The following CCDC106 variants were observed in gnomAD, a reference collection of about 807,000 sequenced individuals.
CCDC106 encodes coiled-coil domain-containing protein 106.
In CCDC106, 17 loss-of-function variants were observed where a neutral mutation model predicts 24.7. That is an observed-to-expected ratio of 0.69 (90% confidence interval 0.47 to 1.03). CCDC106 has a LOEUF of 1.03. CCDC106 is among the 50% of genes least tolerant of loss of function. The probability of loss-of-function intolerance (pLI) is 0.00; values close to 1 mark genes in which losing one functional copy is unlikely to be tolerated. For missense variants in CCDC106, 337 were observed against 388.9 expected, an observed-to-expected ratio of 0.87 and a Z score of 1.12; for synonymous variants, 211 against 161.3, an observed-to-expected ratio of 1.31 and a Z score of -2.34.
Position 55,648,430 on chromosome 19 carries a change from C to CG in CCDC106, c.-609dup, listed in dbSNP as rs35752061. 0.97 allele frequency: 146,464 copies of CG among 151,678 alleles called. 70,733 individuals are homozygous for CG. The highest frequency in any genetic ancestry group is 0.98 in the Middle Eastern group (289 of 294). The allele number at this position is 151,678 out of a possible 1,614,324, so 9.4% of individuals were successfully genotyped here. A position where few individuals can be genotyped will look rare whatever the true frequency, so the allele number is the denominator to read the frequency against. The stretch of plus-strand genomic sequence containing the variant: ...CCACCCGCGGGACAAAGGGCGGGGG[C>CG]GGGGGGGGCGCACCCCCACGCGTGA... On this transcript the variant is annotated 5_prime_UTR_variant, in exon 1 of 5. It introduces an in-frame stop codon into an upstream open reading frame of the 5' UTR. Transcript: ENST00000586790.
At chr19:55,650,253 T>G (rs1600056946) in intron 3 of CCDC106, among the ~76,000 whole-genome samples, 1 of 152,310 alleles carries the variant, frequency 6.6e-6, no homozygotes, top group East Asian at 1.9e-4. Context: ...TGCTCTGCTA[T>G]AATTCATGGC....
upstream of CCDC106, among the ~76,000 whole-genome samples, chr19:55,647,771 G>A (rs1982956839): frequency 6.6e-6 from 1 of 151,964 alleles, no homozygotes; most frequent in South Asian, 2.1e-4. Flanking sequence ...AGGAGGTAGG[G>A]GAGCTCTGAG....
At position 55,651,327 on chromosome 19, in the gene CCDC106, G is replaced by A. The variant is rs1325911104; in HGVS notation, c.358G>A (p.Asp120Asn). 3 of 1,613,460 alleles carry A rather than the reference G, an allele frequency of 1.9e-6. No homozygotes were observed. Among genetic ancestry groups the A allele is most frequent in the Non-Finnish European group, 2.5e-6 (3 of 1,179,928 alleles). ...MKPGPRRMEG[D>N]SRGGAGGEAS... ...GCCTGGGCCCAGGCGGATGGAGGGG[G>A]ACAGCCGTGGTGGGGCTGGGGGCGA... The change falls in exon 4 of 5, where the codon GAC becomes AAC. Residue 120 changes from aspartate to asparagine, a missense_variant. Physicochemically the swap from Asp to Asn is conservative, Grantham distance 23. Coordinates refer to ENST00000586790, the MANE Select transcript of CCDC106 (RefSeq NM_001370470.1).
In CCDC106 at chr19:55,652,647, C is replaced by T; in HGVS notation, c.744C>T (p.Arg248=). The T allele has an allele frequency of 6.2e-7, 1 of 1,613,382 alleles. No individual in the cohort carries two copies. The highest frequency in any genetic ancestry group is 8.5e-7 in the Non-Finnish European group (1 of 1,179,932). Residue 248 remains arginine, a synonymous_variant, in exon 5 of 5, where the codon CGC becomes CGT. Coordinates refer to ENST00000586790, the MANE Select transcript of CCDC106 (RefSeq NM_001370470.1). The surrounding 1 kb of genome is among the most constrained non-coding windows in gnomAD (Gnocchi z 5.9). ...AGGAGCGCCTGCTCGAGTACTCCCG[C>T]CGCTGCTTTCTGGCCCTGGACGACG... is the stretch of plus-strand genomic sequence containing the variant. ...PSKERLLEYS[R]RCFLALDDET... is the part of the protein sequence containing the mutation.
intron 3 of CCDC106, 101 bp from the exon 4 acceptor site, chr19:55,651,182 G>A: frequency 2.2e-6 from 2 of 917,406 alleles, no homozygotes; most frequent in African/African-American, 1.6e-5. Context: ...GACCAGCCCA[G>A]GTTGGGGGAT....
At chr19:55,651,174 C>T in intron 3 of CCDC106, 109 bp from the exon 4 acceptor site, 2 of 847,934 alleles carry the variant, frequency 2.4e-6, no homozygotes, top group Non-Finnish European at 2.0e-6. Context: ...CTTTAGGGGA[C>T]CAGCCCAGGT....
In CCDC106 at chr19:55,652,895, C is replaced by G; in HGVS notation, c.*149C>G. The G allele has an allele frequency of 2.9e-6, 2 of 684,182 alleles. No homozygotes were observed. Among genetic ancestry groups the G allele is most frequent in the Admixed American group, 3.0e-5 (1 of 33,660 alleles). 42.4% of individuals were successfully genotyped at this position (684,182 alleles called of 1,614,324 possible). On this transcript the variant is annotated 3_prime_UTR_variant, in exon 5 of 5. Coordinates refer to ENST00000586790, the MANE Select transcript of CCDC106 (RefSeq NM_001370470.1). The surrounding 1 kb of genome is among the most constrained non-coding windows in gnomAD (Gnocchi z 5.9). Reference sequence around the variant, plus strand: ...AGCCGGGCCCCCAAGCGCGACGGCCCCGGACCGGCCGCGGCCCCTTCCCGA... The same window carrying G: ...AGCCGGGCCCCCAAGCGCGACGGCCGCGGACCGGCCGCGGCCCCTTCCCGA...
At chr19:55,647,862 T>G (rs974749039), upstream of CCDC106, among the ~76,000 whole-genome samples, 1 of 151,146 alleles carries the variant, frequency 6.6e-6, no homozygotes, top group African/African-American at 2.4e-5. Context: ...TCTCAAACAC[T>G]CTCCTGCCTT....
chr19:55,651,321 G>T lies in CCDC106; in HGVS notation c.352G>T (p.Glu118Ter). ...GATGAAGCCTGGGCCCAGGCGGATGGAGGGGGACAGCCGTGGTGGGGCTGG... is the reference window on the plus strand; with the variant it reads ...GATGAAGCCTGGGCCCAGGCGGATGTAGGGGGACAGCCGTGGTGGGGCTGG... ...CRMKPGPRRM[E>*]GDSRGGAGGE... The change falls in exon 4 of 5, where the codon GAG becomes TAG. Residue 118 changes from glutamate (E) to a stop codon, truncating the protein, a stop_gained. Coordinates refer to ENST00000586790, the MANE Select transcript of CCDC106 (RefSeq NM_001370470.1). LOFTEE classifies it high-confidence loss of function. The T allele has an allele frequency of 6.2e-7, 1 of 1,613,604 alleles. No individual in the cohort carries two copies. Among genetic ancestry groups the T allele is most frequent in the Non-Finnish European group, 8.5e-7 (1 of 1,179,918 alleles).
rs771983589 is a variant in CCDC106, at chr19:55,651,383, C to T, written c.414C>T (p.Ser138=). The change falls in exon 4 of 5, where the codon TCC becomes TCT. Residue 138 remains serine (S), a synonymous_variant. Transcript: ENST00000586790. ...CGGACCCTGAGTCAGCAGCCTCCTC[C>T]CTCAGCGGAGCGTCCGAAGAAGGCA... The part of the protein sequence containing the change: ...EASDPESAAS[S]LSGASEEGSA... 1.2e-5 allele frequency: 20 copies of T among 1,612,044 alleles called. No individual in the cohort carries two copies. The East Asian group carries it at 2.7e-4, about 22-fold the overall frequency.
chr19:55,648,116 GCCCGTTCCGTCGCTCAGTT>G (rs1192123351), upstream of CCDC106: 1 of 152,290 alleles, frequency 6.6e-6, no homozygotes, highest in African/African-American at 2.4e-5. Context: ...CCGCGTCCCT[GCCCGTTCCGTCGCTCAGTT>G]CCACGACACG....
At position 55,648,966 on chromosome 19, in the gene CCDC106, T is replaced by C. The variant is rs2123646187; in HGVS notation, c.-81T>C. The C allele has an allele frequency of 5.0e-6, 7 of 1,393,926 alleles. No individual in the cohort carries two copies. The highest frequency in any genetic ancestry group is 7.1e-6 in the Non-Finnish European group (7 of 982,236). The allele number at this position is 1,393,926 out of a possible 1,614,324, so 86.3% of individuals were successfully genotyped here. On this transcript the variant is annotated 5_prime_UTR_variant, in exon 1 of 5. Coordinates refer to ENST00000586790, the MANE Select transcript of CCDC106 (RefSeq NM_001370470.1). Reference sequence around the variant, plus strand: ...CCCAGGATGGACCCTCCAGTCCATCTGCGTCTCTCCATTTGTGGCTGCCGT... The same window carrying C: ...CCCAGGATGGACCCTCCAGTCCATCCGCGTCTCTCCATTTGTGGCTGCCGT...
intron 3 of CCDC106, among the ~76,000 whole-genome samples, chr19:55,650,053 T>TC (rs145611277): frequency 0.016 from 2,483 of 151,794 alleles, 82 homozygotes; most frequent in African/African-American, 0.057. Flanking sequence ...CCTCCTCCTG[T>TC]CCCCCCCTCC....
In CCDC106 at chr19:55,649,594, G is replaced by C. The variant is rs377438064; in HGVS notation, c.313+10G>C. The C allele has an allele frequency of 2.5e-6, 4 of 1,611,702 alleles. No individual in the cohort carries two copies. Among genetic ancestry groups the C allele is most frequent in the Non-Finnish European group, 3.4e-6 (4 of 1,178,558 alleles). On this transcript the variant is annotated intron_variant, in intron 3 of 4. Transcript: ENST00000586790. Reference sequence around the variant, plus strand: ...GCTCGGATGGAGGCAGGTGTGTGTGGGGTGCTCTGATCCACATGCCTCCCT... The same window carrying C: ...GCTCGGATGGAGGCAGGTGTGTGTGCGGTGCTCTGATCCACATGCCTCCCT...
intron 4 of CCDC106, among the ~76,000 whole-genome samples, chr19:55,651,834 TG>T (rs1372097063): frequency 1.6e-4 from 25 of 152,058 alleles, no homozygotes; most frequent in Admixed American, 1.6e-3. Context: ...GCTAATTTTT[TG>T]TATTTTTAGT....
chr19:55,649,528 G>A lies in CCDC106; in HGVS notation c.257G>A (p.Arg86Lys). The change falls in exon 3 of 5, where the codon AGG (arginine) becomes AAG (lysine). Residue 86 changes from arginine to lysine, a missense_variant. By Grantham distance (26) the Arg-to-Lys change is conservative (BLOSUM62 2). Around this residue, in one of 2 missense-constraint regions of CCDC106, gnomAD observed 234 missense variants for 236.5 expected, o/e 0.99. Transcript: ENST00000586790. Reference sequence around the variant, plus strand: ...CGCATCGAGGACCTGGAGGAAGAGAGGGACTTCCTGCGGTGCCAGCTGGAC... The same window carrying A: ...CGCATCGAGGACCTGGAGGAAGAGAAGGACTTCCTGCGGTGCCAGCTGGAC... ...QKRIEDLEEE[R>K]DFLRCQLDKF... 6.2e-7 allele frequency: 1 copy of A among 1,614,088 alleles called. No homozygotes were observed.
At chr19:55,650,876 T>C (rs1401351758) in intron 3 of CCDC106, among the ~76,000 whole-genome samples, 1 of 152,150 alleles carries the variant, frequency 6.6e-6, no homozygotes, top group African/African-American at 2.4e-5. Flanking sequence ...CCAGGGCCCC[T>C]GATTTCTCTC....
chr19:55,652,471 C>T lies in CCDC106; in HGVS notation c.568C>T (p.Leu190=), dbSNP rs1568543359. 11 of 1,611,516 alleles carry T rather than the reference C, an allele frequency of 6.8e-6. No homozygotes were observed. Among genetic ancestry groups the T allele is most frequent in the Non-Finnish European group, 8.5e-6 (10 of 1,178,406 alleles). Reference sequence around the variant, plus strand: ...GGTCCTCTGCCGGTACAAGAAGATCCTGGGCACCTTCCAGAAGCTCAAGAG... The same window carrying T: ...GGTCCTCTGCCGGTACAAGAAGATCTTGGGCACCTTCCAGAAGCTCAAGAG... ...DGVLCRYKKI[L]GTFQKLKSMS... The change falls in exon 5 of 5, where the codon CTG becomes TTG. Residue 190 remains leucine (L), a synonymous_variant. Coordinates refer to ENST00000586790, the MANE Select transcript of CCDC106 (RefSeq NM_001370470.1). The surrounding 1 kb of genome is among the most constrained non-coding windows in gnomAD (Gnocchi z 5.9).
chr19:55,649,096 C>T lies in CCDC106; in HGVS notation c.31+19C>T, dbSNP rs890711233. ...CGGACAAGTGAGGAAGCTGGGTCCC[C>T]TTCCCTACCCTGGGTCCCAGTGCGG... On this transcript the variant is annotated intron_variant, in intron 1 of 4. Coordinates refer to ENST00000586790, the MANE Select transcript of CCDC106 (RefSeq NM_001370470.1). 3.1e-6 allele frequency: 5 copies of T among 1,613,970 alleles called. No homozygotes were observed. Among genetic ancestry groups the T allele is most frequent in the South Asian group, 1.1e-5 (1 of 91,084 alleles).
Sources: gnomAD v4.1 joint callset for allele counts (sites outside exome capture counted in the v4.1 genomes callset) on GRCh38, gnomAD v4.1.1 for gene constraint, gnomAD v4.1.1 regional missense constraint, Gnocchi (gnomAD v3.1) non-coding constraint, MANE v1.5 for transcripts, NCBI Gene and HGNC (gene_info 2026-07-23, HGNC 2026-07-21) for gene names.